The following EMILIN2 variants were observed in gnomAD, a reference collection of about 807,000 sequenced individuals.
The protein encoded by EMILIN2 is EMILIN-2.
Under a neutral mutation model 87.1 loss-of-function variants are expected in EMILIN2, and 71 were observed. The observed-to-expected ratio is 0.82, with a 90% CI of 0.67 to 0.99. The LOEUF (loss-of-function observed/expected upper bound fraction) is 0.99. Among genes scored for constraint, EMILIN2 ranks in the 50% least tolerant of loss-of-function variants. The pLI, the probability that EMILIN2 is intolerant of heterozygous loss-of-function variation, is 0.00. For missense variants in EMILIN2, 1,407 were observed against 1,371.8 expected (o/e 1.03, Z -0.40); for synonymous variants, 581 against 563.4 (o/e 1.03, Z -0.44).
chr18:2,888,497 C>T (rs1456986516), intron 3 of EMILIN2, among the ~76,000 whole-genome samples: 1 of 151,938 alleles, frequency 6.6e-6, no homozygotes, highest in Non-Finnish European at 1.5e-5. Context: ...GGGTGGATCA[C>T]AAGGTCAGGA....
In EMILIN2 at chr18:2,915,141, C is replaced by CT. The variant is rs1401816376; in HGVS notation, c.*1738dup. 1 of 152,320 alleles carries CT rather than the reference C, an allele frequency of 6.6e-6. No individual in the cohort carries two copies. The highest frequency in any genetic ancestry group is 2.4e-5 in the African/African-American group (1 of 41,462). The allele number at this position is 152,320 out of a possible 1,614,324, so 9.4% of individuals were successfully genotyped here. A position where few individuals can be genotyped will look rare whatever the true frequency, so the allele number is the denominator to read the frequency against. ...GCAAAAGGTGGGTGATGACTACCTG[C>CT]TGCTTTCCCTACTCCGTAGATGGGT... On this transcript the variant is annotated 3_prime_UTR_variant, in exon 8 of 8. Coordinates refer to ENST00000254528, the MANE Select transcript of EMILIN2 (RefSeq NM_032048.3).
intron 3 of EMILIN2, among the ~76,000 whole-genome samples, chr18:2,889,024 T>G (rs980833351): frequency 6.6e-6 from 1 of 152,136 alleles, no homozygotes; most frequent in Non-Finnish European, 1.5e-5. Context: ...TGTGTTTGAT[T>G]TTTTCCACTT....
intron 2 of EMILIN2, among the ~76,000 whole-genome samples, chr18:2,862,402 C>T (rs1273286082): frequency 6.6e-6 from 1 of 152,138 alleles, no homozygotes; most frequent in Admixed American, 6.5e-5. Flanking sequence ...TTTTGAGATA[C>T]GTCCCATCAA....
chr18:2,876,664 G>T (rs1045928784), intron 2 of EMILIN2, among the ~76,000 whole-genome samples: 6 of 150,202 alleles, frequency 4.0e-5, no homozygotes, highest in African/African-American at 1.5e-4. Flanking sequence ...TACTCGGGAG[G>T]CTGAGGCAGG....
At chr18:2,881,675 A>G (rs186041158) in intron 2 of EMILIN2, among the ~76,000 whole-genome samples, 259 of 152,336 alleles carry the variant, frequency 1.7e-3, no homozygotes, top group African/African-American at 5.8e-3. Flanking sequence ...CTGGGCCGTC[A>G]TCTCCTGGCC....
At position 2,915,117 on chromosome 18, in the gene EMILIN2, C is replaced by G. The variant is rs2076960574; in HGVS notation, c.*1713C>G. 6.6e-6 allele frequency: 1 copy of G among 152,302 alleles called. No individual in the cohort carries two copies. Among genetic ancestry groups the G allele is most frequent in the African/African-American group, 2.4e-5 (1 of 41,454 alleles). The allele number at this position is 152,302 out of a possible 1,614,324, so 9.4% of individuals were successfully genotyped here. A position where few individuals can be genotyped will look rare whatever the true frequency, so the allele number is the denominator to read the frequency against. ...AAGAGCTGCAGGGGCAGGGCCCAGGCAAAAGGTGGGTGATGACTACCTGCT... is the reference window on the plus strand; with the variant it reads ...AAGAGCTGCAGGGGCAGGGCCCAGGGAAAAGGTGGGTGATGACTACCTGCT... On this transcript the variant is annotated 3_prime_UTR_variant, in exon 8 of 8. Coordinates refer to ENST00000254528, the MANE Select transcript of EMILIN2 (RefSeq NM_032048.3).
chr18:2,881,999 G>T (rs546584954), intron 2 of EMILIN2, among the ~76,000 whole-genome samples: 1 of 152,298 alleles, frequency 6.6e-6, no homozygotes, highest in South Asian at 2.1e-4. Context: ...CTCCAGGTGG[G>T]GCCGCTTCCT....
Position 2,848,713 on chromosome 18 carries a change from A to G in EMILIN2, c.257+782A>G, listed in dbSNP as rs1461567875. On this transcript the variant is annotated intron_variant, in intron 2 of 7. Coordinates refer to ENST00000254528, the MANE Select transcript of EMILIN2 (RefSeq NM_032048.3). This position sits in a 1 kb window ranked among gnomAD's most constrained non-coding sequence, Gnocchi z 4.1. ...TTTTGTATCAGTCTGATACCGGAAG[A>G]TGGGCCAGTGTGAATAAATGGCTGT... 6.6e-6 allele frequency among the ~76,000 whole-genome samples: 1 copy of G among 152,066 alleles called. No homozygotes were observed. The highest frequency in any genetic ancestry group is 1.5e-5 in the Non-Finnish European group (1 of 68,034).
intron 4 of EMILIN2, 100 bp downstream of exon 4, chr18:2,892,586 C>A: frequency 6.9e-7 from 1 of 1,448,260 alleles, no homozygotes; most frequent in Admixed American, 2.3e-5. Context: ...GTTGAAACTT[C>A]ATGAGGTAAA....
chr18:2,864,581 G>A (rs1943299710), intron 2 of EMILIN2, among the ~76,000 whole-genome samples: 1 of 152,212 alleles, frequency 6.6e-6, no homozygotes, highest in Non-Finnish European at 1.5e-5. Flanking sequence ...TCTGCTGAGA[G>A]ATCAGCTATT....
At chr18:2,858,601 A>ATATATGTG (rs745894577) in intron 2 of EMILIN2, among the ~76,000 whole-genome samples, 1 of 103,622 alleles carries the variant, frequency 9.7e-6, no homozygotes, top group Non-Finnish European at 1.8e-5. Context: ...ATATATATAT[A>ATATATGTG]TGTGTATATA....
rs2076831472 is a variant in EMILIN2, at chr18:2,890,795, C to T, written c.668C>T (p.Thr223Ile). The change falls in exon 4 of 8, where the codon ACA (threonine) becomes ATA (isoleucine). Residue 223 changes from threonine to isoleucine, a missense_variant. Transcript: ENST00000254528. This position sits in a 1 kb window ranked among gnomAD's most constrained non-coding sequence, Gnocchi z 4.7. ...GCCACTCAGGATGATGCCAGTAGAACACGGGCACCAGGGCTCAGCAGCCAG... is the reference window on the plus strand; with the variant it reads ...GCCACTCAGGATGATGCCAGTAGAATACGGGCACCAGGGCTCAGCAGCCAG... ...KHATQDDASR[T>I]RAPGLSSQHP... 6.2e-7 allele frequency: 1 copy of T among 1,613,640 alleles called. No individual in the cohort carries two copies. Among genetic ancestry groups the T allele is most frequent in the Non-Finnish European group, 8.5e-7 (1 of 1,179,782 alleles).
chr18:2,851,503 G>A (rs542128122), intron 2 of EMILIN2, among the ~76,000 whole-genome samples: 90 of 152,252 alleles, frequency 5.9e-4, no homozygotes, highest in African/African-American at 1.7e-3. Flanking sequence ...AGAGTGCTCC[G>A]AGACTGAGGG....
intron 2 of EMILIN2, among the ~76,000 whole-genome samples, chr18:2,854,741 C>T (rs1027300370): frequency 5.3e-5 from 8 of 152,048 alleles, no homozygotes; most frequent in African/African-American, 1.9e-4. Context: ...CTGCAGTGAG[C>T]CATGATTGCA....
chr18:2,891,387 T>C lies in EMILIN2; in HGVS notation c.1260T>C (p.Ala420=). 1 of 1,614,224 alleles carries C rather than the reference T, an allele frequency of 6.2e-7. No individual in the cohort carries two copies. Among genetic ancestry groups the C allele is most frequent in the Non-Finnish European group, 8.5e-7 (1 of 1,180,044 alleles). ...KTLDQKIERV[A]EATRMLNGRL... is the part of the protein sequence containing the mutation. ...TGGACCAGAAAATCGAGAGAGTTGC[T>C]GAAGCCACCAGAATGCTGAATGGAA... Residue 420 remains alanine, a synonymous_variant, in exon 4 of 8, where the codon GCT becomes GCC. Coordinates refer to ENST00000254528, the MANE Select transcript of EMILIN2 (RefSeq NM_032048.3). This position sits in a 1 kb window ranked among gnomAD's most constrained non-coding sequence, Gnocchi z 4.6.
intron 2 of EMILIN2, among the ~76,000 whole-genome samples, chr18:2,865,447 A>AG (rs779762539): frequency 3.3e-5 from 5 of 152,204 alleles, no homozygotes; most frequent in Non-Finnish European, 7.3e-5. Context: ...CCTCAGCTGC[A>AG]GGTCTGTTGG....
chr18:2,906,740 G>C, intron 4 of EMILIN2, 43 bp from the exon 5 acceptor site: 1 of 1,243,234 alleles, frequency 8.0e-7, no homozygotes, highest in Non-Finnish European at 1.0e-6. Flanking sequence ...CAGGGCTGAG[G>C]TTTCCTAATC....
chr18:2,885,211 T>G, intron 3 of EMILIN2, 72 bp downstream of exon 3: 1 of 1,473,136 alleles, frequency 6.8e-7, no homozygotes. Flanking sequence ...CAACAGGATT[T>G]GTGCTTTACA....
Position 2,892,336 on chromosome 18 carries a change from C to T in EMILIN2, c.2209C>T (p.Leu737=). ...GGGGCTCAACAAGCATGTCAGCAGC[C>T]TGTGGAACTGTGTCAGGCAGATGAA... is the stretch of plus-strand genomic sequence containing the variant. ...KEGLNKHVSS[L]WNCVRQMNGT... is the part of the protein sequence containing the mutation. Residue 737 remains leucine (L), a synonymous_variant, in exon 4 of 8, where the codon CTG becomes TTG. Transcript: ENST00000254528. 2 of 1,614,194 alleles carry T rather than the reference C, an allele frequency of 1.2e-6. No individual in the cohort carries two copies. Among genetic ancestry groups the T allele is most frequent in the Non-Finnish European group, 8.5e-7 (1 of 1,180,028 alleles).
Sources: gnomAD v4.1 joint callset for allele counts (sites outside exome capture counted in the v4.1 genomes callset) on GRCh38, gnomAD v4.1.1 for gene constraint, Gnocchi (gnomAD v3.1) non-coding constraint, MANE v1.5 for transcripts, NCBI Gene and HGNC (gene_info 2026-07-23, HGNC 2026-07-21) for gene names.